Variants in BOK observed in about 807,000 individuals in gnomAD.
BOK encodes BCL2 family apoptosis regulator BOK.
Under a neutral mutation model 18.3 loss-of-function variants are expected in BOK, and 20 were observed. That is an observed-to-expected ratio of 1.09 (90% CI 0.77 to 1.59). The LOEUF (loss-of-function observed/expected upper bound fraction) is 1.59, where lower values mean the gene tolerates loss of function less well. BOK is among the 40% of genes most tolerant of loss of function. The pLI, the probability that BOK is intolerant of heterozygous loss-of-function variation, is 0.00. For synonymous variants in BOK, 173 were observed against 142.4 expected (o/e 1.21, Z -1.53); for missense variants, 348 against 307.9 (o/e 1.13, Z -0.97).
intron 2 of BOK, chr2:241,560,175 C>T (rs2066505922): frequency 1.3e-5 from 13 of 985,476 alleles, no homozygotes; most frequent in Non-Finnish European, 1.6e-5. Flanking sequence ...GTAGCCAAAA[C>T]CTCAGTATTC....
chr2:241,555,213 C>T (rs548076379), upstream of BOK, among the ~76,000 whole-genome samples: 36 of 152,176 alleles, frequency 2.4e-4, no homozygotes, highest in Middle Eastern at 3.4e-3. Flanking sequence ...TTTTAGAAAC[C>T]CGTCTTTGCT....
At position 241,559,524 on chromosome 2, in the gene BOK, T is replaced by G. The variant is rs1451518302; in HGVS notation, c.41T>G (p.Ile14Ser). Residue 14 changes from isoleucine to serine, a missense_variant, in exon 2 of 5, where the codon ATC becomes AGC. By Grantham distance (142) the Ile-to-Ser change is moderately radical. Transcript: ENST00000318407. ...LRRSSVFAAE[I>S]MDAFDRSPTD... ...CGCTCCTCGGTCTTCGCCGCCGAGA[T>G]CATGGACGCCTTTGACCGCTCGCCC... 6.6e-7 allele frequency: 1 copy of G among 1,512,822 alleles called. No individual in the cohort carries two copies. Among genetic ancestry groups the G allele is most frequent in the Non-Finnish European group, 8.8e-7 (1 of 1,139,088 alleles). The allele number at this position is 1,512,822 out of a possible 1,614,324, so 93.7% of individuals were successfully genotyped here.
chr2:241,560,303 T>C lies in BOK; in HGVS notation c.220+600T>C, dbSNP rs918622435. 5 of 980,272 alleles carry C rather than the reference T, an allele frequency of 5.1e-6. No homozygotes were observed. In the African/African-American group the frequency reaches 8.8e-5, roughly 17 times the overall value. 60.7% of individuals were successfully genotyped at this position (980,272 alleles called of 1,614,324 possible). The stretch of plus-strand genomic sequence containing the variant: ...AGGGAGGGACCAGCCCCACTGTGAC[T>C]GTCCAGTCCCCTCACCACAGCTGGG... On this transcript the variant is annotated intron_variant, in intron 2 of 4. Coordinates refer to ENST00000318407, the MANE Select transcript of BOK (RefSeq NM_032515.5).
At chr2:241,567,831 GCAA>G (rs2066639292) in intron 3 of BOK, among the ~76,000 whole-genome samples, 1 of 85,706 alleles carries the variant, frequency 1.2e-5, no homozygotes, top group African/African-American at 5.2e-5. Flanking sequence ...TTAAAAGTGT[GCAA>G]TTCAGCAGCA....
chr2:241,562,610 C>T lies in BOK; in HGVS notation c.349+134C>T. On this transcript the variant is annotated intron_variant, in intron 3 of 4. Transcript: ENST00000318407. The surrounding 1 kb of genome is among the most constrained non-coding windows in gnomAD (Gnocchi z 4.5). ...AGTGCCCACCGGTGCCATCTCACTG[C>T]TGCAGGTGTCAGGAGCTGCCCAGCC... The T allele has an allele frequency of 2.5e-6, 3 of 1,219,696 alleles. No homozygotes were observed. In the South Asian group the frequency reaches 5.0e-5, roughly 20 times the overall value. The allele number at this position is 1,219,696 out of a possible 1,614,324, so 75.6% of individuals were successfully genotyped here.
At chr2:241,570,331 G>A (rs767145811) in intron 4 of BOK, 43 bp downstream of exon 4, 26 of 1,528,126 alleles carry the variant, frequency 1.7e-5, no homozygotes, top group Middle Eastern at 4.7e-4. Flanking sequence ...GCTGGGGTGC[G>A]AGGGTGCAGA....
Position 241,559,636 on chromosome 2 carries a change from C to G in BOK, c.153C>G (p.Ser51Arg), listed in dbSNP as rs1414133210. ...ARLLRAGLSW[S>R]APERAAPVPG... ...TGCTGCGCGCCGGCCTCTCCTGGAG[C>G]GCGCCCGAGCGTGCCGCGCCGGTCC... is the stretch of plus-strand genomic sequence containing the variant. The change falls in exon 2 of 5, where the codon AGC becomes AGG. Residue 51 changes from serine to arginine, a missense_variant. Physicochemically the swap from Ser to Arg is moderately radical, Grantham distance 110 (BLOSUM62 -1). Transcript: ENST00000318407. The G allele has an allele frequency of 2.8e-6, 4 of 1,417,450 alleles. No individual in the cohort carries two copies. In the African/African-American group the frequency reaches 6.0e-5, roughly 21 times the overall value. The allele number at this position is 1,417,450 out of a possible 1,614,324, so 87.8% of individuals were successfully genotyped here. A position where few individuals can be genotyped will look rare whatever the true frequency, so the allele number is the denominator to read the frequency against.
intron 3 of BOK, among the ~76,000 whole-genome samples, chr2:241,569,153 C>CG (rs1184261578): frequency 1.3e-5 from 2 of 152,160 alleles, no homozygotes; most frequent in Admixed American, 6.5e-5. Flanking sequence ...TATTTAGAGA[C>CG]GGGGTCTCGC....
chr2:241,555,887 A>G (rs942017992), upstream of BOK, among the ~76,000 whole-genome samples: 1 of 152,306 alleles, frequency 6.6e-6, no homozygotes, highest in Non-Finnish European at 1.5e-5. Flanking sequence ...ACAGGAGGAA[A>G]CTGAGCCTGT....
At chr2:241,572,000 G>A (rs1482759200) in intron 4 of BOK, among the ~76,000 whole-genome samples, 1 of 152,186 alleles carries the variant, frequency 6.6e-6, no homozygotes, top group Non-Finnish European at 1.5e-5. Flanking sequence ...CCCAGCGAGG[G>A]CCATGAAGGC....
At chr2:241,554,661 T>A (rs1016781677), upstream of BOK, among the ~76,000 whole-genome samples, 1 of 152,232 alleles carries the variant, frequency 6.6e-6, no homozygotes, top group African/African-American at 2.4e-5. Context: ...TGGCAAAGCC[T>A]GAACTTGTGA....
intron 2 of BOK, among the ~76,000 whole-genome samples, chr2:241,561,114 C>A (rs1249177580): frequency 1.3e-5 from 2 of 152,060 alleles, no homozygotes; most frequent in Non-Finnish European, 2.9e-5. Flanking sequence ...GCTCTGCTTC[C>A]AGATCTTAAT....
At chr2:241,568,821 G>A (rs907486116) in intron 3 of BOK, among the ~76,000 whole-genome samples, 1 of 152,240 alleles carries the variant, frequency 6.6e-6, no homozygotes, top group African/African-American at 2.4e-5. Flanking sequence ...TGGCTGCTGT[G>A]AATGTCTGTG....
At chr2:241,565,741 G>A (rs1370375273) in intron 3 of BOK, among the ~76,000 whole-genome samples, 1 of 152,038 alleles carries the variant, frequency 6.6e-6, no homozygotes, top group Non-Finnish European at 1.5e-5. Context: ...GGGTCTCCAA[G>A]TCTCCAGCCC....
At chr2:241,572,264 C>G (rs1454263512) in intron 4 of BOK, 33 bp from the exon 5 acceptor site, 4 of 1,602,424 alleles carry the variant, frequency 2.5e-6, no homozygotes, top group Admixed American at 1.7e-5. Context: ...GGTGCTGGCT[C>G]TGCTTTCTAA....
rs1192423115 is a variant in BOK at position 241,562,484 on chromosome 2, C to A, written c.349+8C>A. 1.2e-6 allele frequency: 2 copies of A among 1,604,332 alleles called. No individual in the cohort carries two copies. On this transcript the variant is annotated splice_region_variant and intron_variant, in intron 3 of 4. Transcript: ENST00000318407. This position sits in a 1 kb window ranked among gnomAD's most constrained non-coding sequence, Gnocchi z 4.5. ...GCCACATCTTCTCTGCAGGTATGCC[C>A]AGCCTGCCCGTCCCATGGGACCTCA...
chr2:241,572,158 C>T lies in BOK; in HGVS notation c.514-139C>T, dbSNP rs2066734282. 3 of 1,348,442 alleles carry T rather than the reference C, an allele frequency of 2.2e-6. No homozygotes were observed. The South Asian group carries it at 4.3e-5, about 19-fold the overall frequency. 83.5% of individuals were successfully genotyped at this position (1,348,442 alleles called of 1,614,324 possible). A position where few individuals can be genotyped will look rare whatever the true frequency, so the allele number is the denominator to read the frequency against. On this transcript the variant is annotated intron_variant, in intron 4 of 4. Coordinates refer to ENST00000318407, the MANE Select transcript of BOK (RefSeq NM_032515.5). Reference sequence around the variant, plus strand: ...TGGAGCCTTCAGTCCAGGCCACAGACCTCCTTCCCGAACAGTCTCCTGCAT... The same window carrying T: ...TGGAGCCTTCAGTCCAGGCCACAGATCTCCTTCCCGAACAGTCTCCTGCAT...
chr2:241,570,185 G>C lies in BOK; in HGVS notation c.410G>C (p.Cys137Ser), dbSNP rs763783531. 1 of 1,609,238 alleles carries C rather than the reference G, an allele frequency of 6.2e-7. No individual in the cohort carries two copies. Among genetic ancestry groups the C allele is most frequent in the African/African-American group, 1.3e-5 (1 of 74,778 alleles). The change falls in exon 4 of 5, where the codon TGT becomes TCT. Residue 137 changes from cysteine to serine, a missense_variant. Coordinates refer to ENST00000318407, the MANE Select transcript of BOK (RefSeq NM_032515.5). ...YAVAAGLAVD[C>S]VRQAQPAMVH... ...GTGGCCGCGGGGCTGGCCGTGGACTGTGTGAGGCAGGCCCAGCCTGCCATG... is the reference window on the plus strand; with the variant it reads ...GTGGCCGCGGGGCTGGCCGTGGACTCTGTGAGGCAGGCCCAGCCTGCCATG...
rs895988923 is a variant in BOK, at chr2:241,562,029, GCAGGCACGGCC to G, written c.221-316_221-306del. ...GCTGCCTGTCGGCTGTGAGTCACCA[GCAGGCACGGCC>G]CACGCTCTCGCAGGATTCCCGCCCC... On this transcript the variant is annotated intron_variant, in intron 2 of 4. Transcript: ENST00000318407. The surrounding 1 kb of genome is among the most constrained non-coding windows in gnomAD (Gnocchi z 4.5). Among the ~76,000 whole-genome samples, 2 of 152,382 alleles carry G rather than the reference GCAGGCACGGCC, an allele frequency of 1.3e-5. No homozygotes were observed. Among genetic ancestry groups the G allele is most frequent in the Admixed American group, 1.3e-4 (2 of 15,312 alleles).
Sources: gnomAD v4.1 joint callset for allele counts (sites outside exome capture counted in the v4.1 genomes callset) on GRCh38, gnomAD v4.1.1 for gene constraint, Gnocchi (gnomAD v3.1) non-coding constraint, MANE v1.5 for transcripts, NCBI Gene and HGNC (gene_info 2026-07-23, HGNC 2026-07-21) for gene names.